Variants in ARHGAP4 observed in about 807,000 individuals in gnomAD.
The protein encoded by ARHGAP4 is Rho GTPase activating protein 4.
In ARHGAP4, 25 loss-of-function variants were observed where a neutral mutation model predicts 67.6. The observed-to-expected ratio is 0.37, with a 90% CI of 0.27 to 0.52. The LOEUF is 0.52. Ranked by LOEUF, ARHGAP4 falls within the 20% of genes least tolerant of loss-of-function variation. The pLI, the probability that ARHGAP4 is intolerant of heterozygous loss-of-function variation, is 0.92. For missense variants in ARHGAP4, 804 were observed against 854.6 expected, an observed-to-expected ratio of 0.94 and a Z score of 0.74; for synonymous variants, 448 against 373.7, an observed-to-expected ratio of 1.20 and a Z score of -2.29.
At chrX:153,914,900 A>G (rs946129332) in intron 7 of ARHGAP4, among the ~76,000 whole-genome samples, 4 of 111,686 alleles carry the variant, frequency 3.6e-5, no homozygotes, top group Non-Finnish European at 7.5e-5. Flanking sequence ...AAAGGAAGGA[A>G]TTACTCTTTT....
In ARHGAP4 at chrX:153,907,793, C is replaced by G. The variant is rs374576249; in HGVS notation, c.2777G>C (p.Gly926Ala). The change falls in exon 22 of 22, where the codon GGG becomes GCG. Residue 926 changes from glycine (G) to alanine (A), a missense_variant. By Grantham distance (60) the Gly-to-Ala change is moderately conservative. Around this residue, in one of 2 missense-constraint regions of ARHGAP4, gnomAD observed 400 missense variants for 348.7 expected, o/e 1.15. Coordinates refer to ENST00000350060, the MANE Select transcript of ARHGAP4 (RefSeq NM_001666.5). ...GGAAGCTGAGGGTGAGGCTGGGGCC[C>G]CAGGGCCCCGGGAGAAGCCTTTGTT... is the stretch of plus-strand genomic sequence containing the variant. The part of the protein sequence containing the change: ...GRNKGFSRGP[G>A]APASPSASHP... The G allele has an allele frequency of 1.6e-5, 16 of 1,009,113 alleles. No homozygotes were observed. Among genetic ancestry groups the G allele is most frequent in the African/African-American group, 3.9e-5 (2 of 50,765 alleles). The allele number at this position is 1,009,113 out of a possible 1,213,427, so 83.2% of individuals were successfully genotyped here.
Position 153,910,325 on chromosome X carries a change from G to T in ARHGAP4, c.2002C>A (p.Pro668Thr), listed in dbSNP as rs782567682. The part of the protein sequence containing the change: ...VCFGPTLLPV[P>T]AGQDPVALQG... The stretch of plus-strand genomic sequence containing the variant: ...AGCGCCACCGGGTCCTGCCCAGCGG[G>T]CACCGGTAGCAGCGTGGGCCCGAAG... The change falls in exon 17 of 22, where the codon CCC (proline) becomes ACC (threonine). Residue 668 changes from proline to threonine, a missense_variant. By Grantham distance (38) the Pro-to-Thr change is conservative. Around this residue, in one of 2 missense-constraint regions of ARHGAP4, gnomAD observed 400 missense variants for 348.7 expected, o/e 1.15. Transcript: ENST00000350060. 2.6e-5 allele frequency: 31 copies of T among 1,209,244 alleles called. 1 individual carries two copies. In the East Asian group the frequency reaches 9.2e-4, roughly 36 times the overall value.
intron 10 of ARHGAP4, 41 bp downstream of exon 10, chrX:153,913,177 G>A: frequency 8.6e-7 from 1 of 1,163,759 alleles, no homozygotes; most frequent in South Asian, 1.9e-5. Flanking sequence ...ACAGGGTCCT[G>A]GGCAGGGGAG....
At chrX:153,923,296 G>C (rs1305610427) in intron 1 of ARHGAP4, among the ~76,000 whole-genome samples, 2 of 111,683 alleles carry the variant, frequency 1.8e-5, no homozygotes, top group Non-Finnish European at 3.8e-5. Context: ...AATCCCATTG[G>C]ATTTCTGTCC....
At position 153,909,124 on chromosome X, in the gene ARHGAP4, G is replaced by C; in HGVS notation, c.2553C>G (p.His851Gln). 3 of 1,211,519 alleles carry C rather than the reference G, an allele frequency of 2.5e-6. No homozygotes were observed. The highest frequency in any genetic ancestry group is 3.4e-6 in the Non-Finnish European group (3 of 895,455). The change falls in exon 21 of 22, where the codon CAC becomes CAG. Residue 851 changes from histidine (H) to glutamine (Q), a missense_variant. His to Gln is a conservative substitution (Grantham distance 24). This residue lies in a region of ARHGAP4 where 400 missense variants were observed against 348.7 expected (regional missense o/e 1.15). Transcript: ENST00000350060. ...TSPEAMGPSGHRRRCLVPASP... is the reference protein window; with the variant it reads ...TSPEAMGPSGQRRRCLVPASP... Reference sequence around the variant, plus strand: ...AGGCTGGGACCAAGCAGCGTCGTCTGTGTCCAGAGGGTCCCATGGCCTCAG... The same window carrying C: ...AGGCTGGGACCAAGCAGCGTCGTCTCTGTCCAGAGGGTCCCATGGCCTCAG...
intron 7 of ARHGAP4, chrX:153,914,332 C>T (rs2065040697): frequency 6.7e-6 from 1 of 149,907 alleles, no homozygotes; most frequent in South Asian, 1.6e-4. Flanking sequence ...GCTGCACAAC[C>T]ACCAAATTGT....
intron 3 of ARHGAP4, 88 bp from the exon 4 acceptor site, chrX:153,921,247 G>T: frequency 8.5e-7 from 1 of 1,178,142 alleles, no homozygotes; most frequent in Non-Finnish European, 1.1e-6. Context: ...GCCCCATCGG[G>T]GGGGCACACA....
chrX:153,910,591 T>C lies in ARHGAP4; in HGVS notation c.1837A>G (p.Arg613Gly). 1 of 1,206,692 alleles carries C rather than the reference T, an allele frequency of 8.3e-7. No individual in the cohort carries two copies. Among genetic ancestry groups the C allele is most frequent in the Non-Finnish European group, 1.1e-6 (1 of 894,051 alleles). ...ASSELEATAE[R>G]VEHVSRLLWR... Reference sequence around the variant, plus strand: ...AGCAGGCGGCTCACGTGCTCCACCCTCTCCGCTGTGGCCTCCAGCTCTGTG... The same window carrying C: ...AGCAGGCGGCTCACGTGCTCCACCCCCTCCGCTGTGGCCTCCAGCTCTGTG... The change falls in exon 16 of 22, where the codon AGG becomes GGG. Residue 613 changes from arginine (R) to glycine (G), a missense_variant. Coordinates refer to ENST00000350060, the MANE Select transcript of ARHGAP4 (RefSeq NM_001666.5).
At chrX:153,925,937 G>A (rs958344612) in intron 1 of ARHGAP4, among the ~76,000 whole-genome samples, 199 bp downstream of exon 1, 3 of 112,996 alleles carry the variant, frequency 2.7e-5, no homozygotes, top group East Asian at 2.8e-4. Flanking sequence ...CAGGAAAGAA[G>A]GAAGGGAAAA....
Position 153,907,673 on chromosome X carries a change from A to G in ARHGAP4, c.*56T>C. On this transcript the variant is annotated 3_prime_UTR_variant, in exon 22 of 22. Transcript: ENST00000350060. Reference sequence around the variant, plus strand: ...CTGGAGAGAAGCAAGGGGGCTGGGGAGAGTGGCCGGTCCAGCGGGTAGCCG... The same window carrying G: ...CTGGAGAGAAGCAAGGGGGCTGGGGGGAGTGGCCGGTCCAGCGGGTAGCCG... 1.7e-6 allele frequency: 1 copy of G among 588,908 alleles called. No individual in the cohort carries two copies. The highest frequency in any genetic ancestry group is 2.3e-5 in the African/African-American group (1 of 43,089). 48.5% of individuals were successfully genotyped at this position (588,908 alleles called of 1,213,427 possible). A position where few individuals can be genotyped will look rare whatever the true frequency, so the allele number is the denominator to read the frequency against.
Position 153,910,947 on chromosome X carries a change from T to C in ARHGAP4, c.1656A>G (p.Ser552=). 9.4e-7 allele frequency: 1 copy of C among 1,063,062 alleles called. No individual in the cohort carries two copies. 87.6% of individuals were successfully genotyped at this position (1,063,062 alleles called of 1,213,427 possible). A position where few individuals can be genotyped will look rare whatever the true frequency, so the allele number is the denominator to read the frequency against. The change falls in exon 14 of 22, where the codon TCA becomes TCG. Residue 552 remains serine, a synonymous_variant. Transcript: ENST00000350060. ...CTCTCTCGAAGGCATCACGGATCTCTGAGACCCGGAGCTGGGCACCCGATA... is the reference window on the plus strand; with the variant it reads ...CTCTCTCGAAGGCATCACGGATCTCCGAGACCCGGAGCTGGGCACCCGATA... The part of the protein sequence containing the change: ...FRVSGAQLRV[S]EIRDAFERGE...
At chrX:153,922,867 G>C (rs190753270) in intron 1 of ARHGAP4, among the ~76,000 whole-genome samples, 67 of 111,894 alleles carry the variant, frequency 6.0e-4, no homozygotes, top group Admixed American at 4.8e-3. Context: ...GATTGGAATG[G>C]GGCACGAACA....
intron 16 of ARHGAP4, 47 bp downstream of exon 16, chrX:153,910,459 C>A: frequency 8.7e-7 from 1 of 1,145,066 alleles, no homozygotes. Flanking sequence ...TCCCCCTGTC[C>A]CCTCGACCCC....
chrX:153,916,303 T>C (rs2065055187), intron 7 of ARHGAP4, among the ~76,000 whole-genome samples: 1 of 112,979 alleles, frequency 8.9e-6, no homozygotes, highest in South Asian at 3.6e-4. Context: ...CAAGCCCCAC[T>C]TACCTGGGCC....
chrX:153,920,951 G>C, intron 4 of ARHGAP4, 143 bp from the exon 5 acceptor site: 20 of 885,421 alleles, frequency 2.3e-5, no homozygotes, highest in Non-Finnish European at 3.0e-5. Context: ...CCTGTGCCTA[G>C]GGAGAGAGGC....
chrX:153,913,225 A>C lies in ARHGAP4; in HGVS notation c.1404T>G (p.Leu468=), dbSNP rs1229777729. The stretch of plus-strand genomic sequence containing the variant: ...GGGCAGCACTGGGCCCACCTCGCTG[A>C]AGGGCCTCCTGCAGCTTCTCGTGCT... The part of the protein sequence containing the change: ...QAKHEKLQEA[L]QRGDKEEQEV... The change falls in exon 10 of 22, where the codon CTT becomes CTG. Residue 468 remains leucine (L), a synonymous_variant. Coordinates refer to ENST00000350060, the MANE Select transcript of ARHGAP4 (RefSeq NM_001666.5). 8.6e-7 allele frequency: 1 copy of C among 1,166,641 alleles called. No homozygotes were observed. The highest frequency in any genetic ancestry group is 1.1e-6 in the Non-Finnish European group (1 of 873,108).
Position 153,909,044 on chromosome X carries a change from C to G in ARHGAP4, c.2607+26G>C, listed in dbSNP as rs2148517378. The G allele has an allele frequency of 2.5e-6, 3 of 1,193,505 alleles. No individual in the cohort carries two copies. In the East Asian group the frequency reaches 8.9e-5, roughly 35 times the overall value. On this transcript the variant is annotated intron_variant, in intron 21 of 21. Coordinates refer to ENST00000350060, the MANE Select transcript of ARHGAP4 (RefSeq NM_001666.5). ...CAGAGATCCCCCAGGACAGATGTCC[C>G]TCACCTGCCACACACCCACTCTCAC...
intron 7 of ARHGAP4, among the ~76,000 whole-genome samples, chrX:153,917,404 C>A (rs1437305273): frequency 9.1e-6 from 1 of 109,522 alleles, no homozygotes; most frequent in Admixed American, 9.8e-5. Flanking sequence ...GGGGGAAACT[C>A]CATCTCAAAA....
chrX:153,910,464 GACCCC>G, intron 16 of ARHGAP4, 37 bp downstream of exon 16: 1 of 553,803 alleles, frequency 1.8e-6, no homozygotes, highest in Non-Finnish European at 2.6e-6. Flanking sequence ...CTGTCCCCTC[GACCCC>G]TGGCCCCCAC....
Sources: gnomAD v4.1 joint callset for allele counts (sites outside exome capture counted in the v4.1 genomes callset) on GRCh38, gnomAD v4.1.1 for gene constraint, gnomAD v4.1.1 regional missense constraint, MANE v1.5 for transcripts, NCBI Gene and HGNC (gene_info 2026-07-23, HGNC 2026-07-21) for gene names.